Variants in PCDHGB7 observed in about 807,000 individuals in gnomAD.
PCDHGB7 encodes the protein protocadherin gamma-B7.
A neutral mutation model predicts 61.4 loss-of-function variants in PCDHGB7; 37 were observed. The observed-to-expected ratio is 0.60, with a 90% confidence interval of 0.46 to 0.79. PCDHGB7 has a LOEUF of 0.79. Among genes scored for constraint, PCDHGB7 ranks in the 30% least tolerant of loss-of-function variants. The pLI is 0.00. For synonymous variants in PCDHGB7, 464 were observed against 503.5 expected (o/e 0.92, Z 1.05); for missense variants, 1,166 against 1,202.5 (o/e 0.97, Z 0.45).
chr5:141,460,126 T>TC (rs2098982804), intron 1 of PCDHGB7, among the ~76,000 whole-genome samples: 1 of 151,986 alleles, frequency 6.6e-6, no homozygotes, highest in South Asian at 2.1e-4. Context: ...ATATATGTAA[T>TC]ATATATATTC....
intron 1 of PCDHGB7, among the ~76,000 whole-genome samples, chr5:141,439,024 T>C (rs1278127532): frequency 2.0e-5 from 3 of 151,510 alleles, no homozygotes; most frequent in African/African-American, 7.3e-5. Flanking sequence ...ATTTTGAAAA[T>C]AGATGCCTCA....
At chr5:141,478,428 C>G in intron 1 of PCDHGB7, 1 of 1,613,746 alleles carries the variant, frequency 6.2e-7, no homozygotes. Flanking sequence ...CGCAGCGACC[C>G]GCTGCTGAAG....
chr5:141,479,651 C>A (rs56818742), intron 1 of PCDHGB7: 43,954 of 152,194 alleles, frequency 0.29, 6,853 homozygotes, highest in African/African-American at 0.41. Flanking sequence ...ACAACAACAA[C>A]AATCCCAGAA....
chr5:141,420,673 A>T (rs1244699899), intron 1 of PCDHGB7, among the ~76,000 whole-genome samples: 5 of 152,208 alleles, frequency 3.3e-5, no homozygotes, highest in Admixed American at 3.3e-4. Flanking sequence ...CTACCTGATG[A>T]TTTTATCGGG....
intron 1 of PCDHGB7, among the ~76,000 whole-genome samples, chr5:141,438,211 A>G (rs767576436): frequency 7.8e-4 from 119 of 152,308 alleles, no homozygotes; most frequent in Admixed American, 2.3e-3. Context: ...CCATATGGGA[A>G]GGGCTCTGGT....
intron 1 of PCDHGB7, among the ~76,000 whole-genome samples, chr5:141,452,137 GT>G (rs2098734666): frequency 6.6e-6 from 1 of 152,044 alleles, no homozygotes; most frequent in Non-Finnish European, 1.5e-5. Flanking sequence ...TGGCTCATGT[GT>G]TTTTTCCAAT....
chr5:141,429,913 T>C (rs1013990672), intron 1 of PCDHGB7, among the ~76,000 whole-genome samples: 29 of 152,238 alleles, frequency 1.9e-4, no homozygotes, highest in African/African-American at 7.0e-4. Context: ...TGAAATATAA[T>C]GTATTAATAG....
At position 141,476,402 on chromosome 5, in the gene PCDHGB7, G is replaced by A. The variant is rs775511298; in HGVS notation, c.2416-18405G>A. The stretch of plus-strand genomic sequence containing the variant: ...TGTGAACGACCGTCTGGATCGAGAG[G>A]AGCTGTGTGGGACACTGCCCTCTTG... On this transcript the variant is annotated intron_variant, in intron 1 of 3. Coordinates refer to ENST00000398594, the MANE Select transcript of PCDHGB7 (RefSeq NM_018927.4). This position sits in a 1 kb window ranked among gnomAD's most constrained non-coding sequence, Gnocchi z 7.6. 9 of 1,613,992 alleles carry A rather than the reference G, an allele frequency of 5.6e-6. No individual in the cohort carries two copies. Among genetic ancestry groups the A allele is most frequent in the African/African-American group, 1.3e-5 (1 of 74,904 alleles).
intron 1 of PCDHGB7, chr5:141,428,236 G>A (rs1474911413): frequency 9.7e-7 from 1 of 1,026,978 alleles, no homozygotes; most frequent in Admixed American, 1.9e-5. Context: ...CAGCCTGCAG[G>A]AGGCACTGCC....
chr5:141,499,138 G>A (rs765607930), intron 2 of PCDHGB7, among the ~76,000 whole-genome samples: 12 of 152,144 alleles, frequency 7.9e-5, no homozygotes, highest in Non-Finnish European at 1.5e-4. Flanking sequence ...TCCTTTGGGT[G>A]TCTGATCCCA....
rs564582881 is a variant in PCDHGB7, at chr5:141,432,735, C to T, written c.2415+12461C>T. ...CAGCCCCCTCTCTCCGCCACTGTCA[C>T]GCTCACCGTGGCCGTGGCCGACAGC... On this transcript the variant is annotated intron_variant, in intron 1 of 3. Coordinates refer to ENST00000398594, the MANE Select transcript of PCDHGB7 (RefSeq NM_018927.4). This position sits in a 1 kb window ranked among gnomAD's most constrained non-coding sequence, Gnocchi z 6.0. 2 of 1,614,094 alleles carry T rather than the reference C, an allele frequency of 1.2e-6. No individual in the cohort carries two copies. The highest frequency in any genetic ancestry group is 1.1e-5 in the South Asian group (1 of 91,086).
chr5:141,490,910 A>G lies in PCDHGB7; in HGVS notation c.2416-3897A>G. The G allele has an allele frequency of 1.2e-6, 2 of 1,613,652 alleles. No individual in the cohort carries two copies. Among genetic ancestry groups the G allele is most frequent in the African/African-American group, 1.3e-5 (1 of 75,048 alleles). ...TCTCTGCATGTGTTTGTCCTAGACG[A>G]GAATGATAATGCCCCAGCTGTGCTG... On this transcript the variant is annotated intron_variant, in intron 1 of 3. Transcript: ENST00000398594. This position sits in a 1 kb window ranked among gnomAD's most constrained non-coding sequence, Gnocchi z 5.4.
chr5:141,476,556 C>G lies in PCDHGB7; in HGVS notation c.2416-18251C>G. On this transcript the variant is annotated intron_variant, in intron 1 of 3. Transcript: ENST00000398594. This position sits in a 1 kb window ranked among gnomAD's most constrained non-coding sequence, Gnocchi z 7.6. ...GAAATGAAATTGGAGATTAGCGAGG[C>G]CGTGGCTCCGGGGACGCGCTTTCCG... The G allele has an allele frequency of 6.2e-7, 1 of 1,614,234 alleles. No homozygotes were observed. The highest frequency in any genetic ancestry group is 8.5e-7 in the Non-Finnish European group (1 of 1,180,036).
At position 141,491,794 on chromosome 5, in the gene PCDHGB7, TC is replaced by T; in HGVS notation, c.2416-3011del. On this transcript the variant is annotated intron_variant, in intron 1 of 3. Transcript: ENST00000398594. This position sits in a 1 kb window ranked among gnomAD's most constrained non-coding sequence, Gnocchi z 6.9. ...GGGATTGAACTTGCATCCACTCCTC[TC>T]CGGCCGGCTTGGTCGCTGGCTGCGC... is the stretch of plus-strand genomic sequence containing the variant. The T allele has an allele frequency of 6.6e-7, 1 of 1,511,056 alleles. No individual in the cohort carries two copies. The highest frequency in any genetic ancestry group is 8.8e-7 in the Non-Finnish European group (1 of 1,130,146). The allele number at this position is 1,511,056 out of a possible 1,614,324, so 93.6% of individuals were successfully genotyped here.
chr5:141,472,980 C>CAAAAAAAAAAAAAAAAGAAAAAAAAA (rs2099308501), intron 1 of PCDHGB7, among the ~76,000 whole-genome samples: 1 of 86,106 alleles, frequency 1.2e-5, no homozygotes, highest in Non-Finnish European at 2.5e-5. Context: ...GAGTGAAACT[C>CAAAAAAAAAAAAAAAAGAAAAAAAAA]AAAAAAAAAA....
chr5:141,431,725 G>A lies in PCDHGB7; in HGVS notation c.2415+11451G>A. The A allele has an allele frequency of 6.2e-7, 1 of 1,614,230 alleles. No individual in the cohort carries two copies. Among genetic ancestry groups the A allele is most frequent in the Non-Finnish European group, 8.5e-7 (1 of 1,180,044 alleles). On this transcript the variant is annotated intron_variant, in intron 1 of 3. Coordinates refer to ENST00000398594, the MANE Select transcript of PCDHGB7 (RefSeq NM_018927.4). The surrounding 1 kb of genome is among the most constrained non-coding windows in gnomAD (Gnocchi z 4.8). Reference sequence around the variant, plus strand: ...TCTACCAGATGGAAGTGCAAGCAATGGATAATGCAGGATATTCTGCGCGAG... The same window carrying A: ...TCTACCAGATGGAAGTGCAAGCAATAGATAATGCAGGATATTCTGCGCGAG...
chr5:141,467,710 G>A (rs1284029664), intron 1 of PCDHGB7, among the ~76,000 whole-genome samples: 1 of 152,122 alleles, frequency 6.6e-6, no homozygotes, highest in Non-Finnish European at 1.5e-5. Context: ...TGCCCAGGCT[G>A]GAGTGTAGTG....
chr5:141,435,979 C>T (rs1036607924), intron 1 of PCDHGB7, among the ~76,000 whole-genome samples: 4 of 152,008 alleles, frequency 2.6e-5, no homozygotes, highest in Non-Finnish European at 5.9e-5. Flanking sequence ...TGTGGTTCTA[C>T]TTGTGTGATT....
Position 141,476,364 on chromosome 5 carries a change from C to T in PCDHGB7, c.2416-18443C>T, listed in dbSNP as rs1462808655. The T allele has an allele frequency of 6.2e-7, 1 of 1,614,036 alleles. No homozygotes were observed. The highest frequency in any genetic ancestry group is 8.5e-7 in the Non-Finnish European group (1 of 1,180,026). Reference sequence around the variant, plus strand: ...AGATTCTTTGAGGTGAACCGGGAGACCGGAGAGATGTTTGTGAACGACCGT... The same window carrying T: ...AGATTCTTTGAGGTGAACCGGGAGATCGGAGAGATGTTTGTGAACGACCGT... On this transcript the variant is annotated intron_variant, in intron 1 of 3. Coordinates refer to ENST00000398594, the MANE Select transcript of PCDHGB7 (RefSeq NM_018927.4). This position sits in a 1 kb window ranked among gnomAD's most constrained non-coding sequence, Gnocchi z 7.6.
Sources: allele counts gnomAD v4.1 joint callset (sites outside exome capture counted in the v4.1 genomes callset), GRCh38; gene constraint gnomAD v4.1.1; non-coding constraint Gnocchi (gnomAD v3.1); transcripts MANE v1.5; gene names NCBI Gene and HGNC (gene_info 2026-07-23, HGNC 2026-07-21).